The following PBRM1 variants were observed in gnomAD, a reference collection of about 807,000 sequenced individuals.
The protein encoded by PBRM1 is polybromo 1.
A neutral mutation model predicts 194.5 loss-of-function variants in PBRM1; 27 were observed. The ratio of observed to expected loss-of-function variants is 0.14; its 90% CI spans 0.10 to 0.19. The LOEUF (loss-of-function observed/expected upper bound fraction) is 0.19, where lower values mean the gene tolerates loss of function less well. Among genes scored for constraint, PBRM1 ranks in the 10% least tolerant of loss-of-function variants. The pLI is 1.00. For missense variants in PBRM1, 1,466 were observed against 2,077.2 expected (o/e 0.71, Z 5.72); for synonymous variants, 655 against 693.2 (o/e 0.94, Z 0.87).
intron 7 of PBRM1, among the ~76,000 whole-genome samples, chr3:52,647,916 CTT>C (rs35665793): frequency 6.1e-4 from 90 of 148,304 alleles, no homozygotes; most frequent in East Asian, 3.4e-3. Context: ...ACATTAAATA[CTT>C]TTTTTTTTTT....
At chr3:52,644,566 G>C in intron 8 of PBRM1, 138 bp downstream of exon 9, 3 of 386,618 alleles carry the variant, frequency 7.8e-6, no homozygotes, top group Non-Finnish European at 1.4e-5. Flanking sequence ...TGTATTTTTA[G>C]TAGAGATGGG....
At position 52,580,420 on chromosome 3, in the gene PBRM1, G is replaced by A. The variant is rs191056680; in HGVS notation, c.3388-1221C>T. Among the ~76,000 whole-genome samples the A allele has an allele frequency of 4.9e-4, 74 of 152,060 alleles. 1 individual carries two copies. Among genetic ancestry groups the A allele is most frequent in the Admixed American group, 2.7e-3 (41 of 15,250 alleles). Reference sequence around the variant, plus strand: ...GTCGCCCAGGCTGGAGTGCAGTGGCGCGATATTGGCTCACTGCAAGCTCCG... The same window carrying A: ...GTCGCCCAGGCTGGAGTGCAGTGGCACGATATTGGCTCACTGCAAGCTCCG... On this transcript the variant is annotated intron_variant, in intron 20 of 29. Transcript: ENST00000296302.
At chr3:52,684,265 C>T (rs1423595728), upstream of PBRM1, among the ~76,000 whole-genome samples, 1 of 151,218 alleles carries the variant, frequency 6.6e-6, no homozygotes, top group Admixed American at 6.6e-5. Flanking sequence ...GAGTTCAATG[C>T]CAAGTTTTAA....
At position 52,603,752 on chromosome 3, in the gene PBRM1, AT is replaced by A. The variant is rs1468167047; in HGVS notation, c.2568-21del. 2 of 1,588,052 alleles carry A rather than the reference AT, an allele frequency of 1.3e-6. No individual in the cohort carries two copies. The highest frequency in any genetic ancestry group is 1.7e-6 in the Non-Finnish European group (2 of 1,164,492). On this transcript the variant is annotated intron_variant, in intron 16 of 29. Transcript: ENST00000296302. ...TCTGTCCTATAACAGCATCAAGAGT[AT>A]CCATTGACATACAAGCTGTTTCTTT...
At chr3:52,621,357 G>T (rs1322241719) in intron 13 of PBRM1, among the ~76,000 whole-genome samples, 3 of 152,098 alleles carry the variant, frequency 2.0e-5, no homozygotes, top group Non-Finnish European at 4.4e-5. Flanking sequence ...TAGAGATGGG[G>T]TTTCACTGTG....
chr3:52,554,356 A>AACTAGCAATTTGGGAAACTTCATTC (rs2081756161), intron 27 of PBRM1, among the ~76,000 whole-genome samples: 1 of 152,252 alleles, frequency 6.6e-6, no homozygotes, highest in Non-Finnish European at 1.5e-5. Flanking sequence ...TGTTACTCTG[A>AACTAGCAATTTGGGAAACTTCATTC]ACTAGCAATT....
At chr3:52,569,780 GGTTT>G (rs1223587425) in intron 22 of PBRM1, among the ~76,000 whole-genome samples, 2 of 152,042 alleles carry the variant, frequency 1.3e-5, no homozygotes, top group Non-Finnish European at 2.9e-5. Flanking sequence ...TAAGATAATA[GGTTT>G]GTTATTTATT....
chr3:52,621,091 C>T (rs549885615), intron 13 of PBRM1, among the ~76,000 whole-genome samples: 84 of 152,280 alleles, frequency 5.5e-4, no homozygotes, highest in Non-Finnish European at 1.1e-3. Context: ...GCCTTATATC[C>T]ATGACTTCTG....
upstream of PBRM1, among the ~76,000 whole-genome samples, chr3:52,682,821 C>T (rs996611909): frequency 6.6e-6 from 1 of 152,050 alleles, no homozygotes; most frequent in African/African-American, 2.4e-5. Context: ...AATCCCAGCA[C>T]TTTGGAAGGC....
upstream of PBRM1, chr3:52,679,726 T>G (rs747748299): frequency 6.2e-7 from 1 of 1,611,544 alleles, no homozygotes; most frequent in South Asian, 1.1e-5. Flanking sequence ...TCCAACTTCT[T>G]CTATAAGAAA....
At chr3:52,547,859 T>C, downstream of PBRM1, 1 of 464,428 alleles carries the variant, frequency 2.2e-6, no homozygotes, top group Non-Finnish European at 3.7e-6. Context: ...AAAATCTTTG[T>C]GTATTTGATA....
chr3:52,586,571 T>A (rs759389631), exon 20 of PBRM1: 1 of 1,614,138 alleles, frequency 6.2e-7, no homozygotes, highest in Non-Finnish European at 8.5e-7. Context: ...CTGACTGAGC[T>A]GATGGGCATG....
At chr3:52,635,547 C>T (rs1000272206) in intron 10 of PBRM1, among the ~76,000 whole-genome samples, 1 of 151,878 alleles carries the variant, frequency 6.6e-6, no homozygotes, top group Non-Finnish European at 1.5e-5. Flanking sequence ...GCCTGGGTGA[C>T]GGATGAAGAC....
chr3:52,674,991 G>C (rs1018344807), intron 2 of PBRM1, among the ~76,000 whole-genome samples: 37 of 151,908 alleles, frequency 2.4e-4, no homozygotes, highest in Admixed American at 2.4e-3. Flanking sequence ...GGAGGAGGGA[G>C]GGAGGGAAGA....
At chr3:52,592,835 C>T (rs749887059) in intron 17 of PBRM1, among the ~76,000 whole-genome samples, 1 of 152,160 alleles carries the variant, frequency 6.6e-6, no homozygotes, top group Non-Finnish European at 1.5e-5. Context: ...AATCTCAGAG[C>T]TTGTTATTGG....
chr3:52,572,344 C>T (rs1243785866), intron 22 of PBRM1, among the ~76,000 whole-genome samples: 1 of 152,028 alleles, frequency 6.6e-6, no homozygotes, highest in Non-Finnish European at 1.5e-5. Flanking sequence ...GAGGTACTGT[C>T]TGCCACATGT....
intron 1 of PBRM1, 80 bp from the exon 3 acceptor site, chr3:52,678,677 C>T: frequency 1.2e-6 from 1 of 848,566 alleles, no homozygotes; most frequent in Non-Finnish European, 1.9e-6. Flanking sequence ...ATTTTCTACT[C>T]TTCAATAAAA....
chr3:52,643,377 T>G, intron 8 of PBRM1, 34 bp from the exon 10 acceptor site: 2 of 1,422,294 alleles, frequency 1.4e-6, no homozygotes, highest in Non-Finnish European at 2.0e-6. Context: ...CTTAGAAACT[T>G]GGTAGCTGAA....
chr3:52,554,284 C>T (rs1466056022), intron 27 of PBRM1, among the ~76,000 whole-genome samples: 1 of 152,244 alleles, frequency 6.6e-6, no homozygotes, highest in Non-Finnish European at 1.5e-5. Flanking sequence ...ACTCTATACC[C>T]TGTGAGATAA....
Sources: allele counts gnomAD v4.1 joint callset (sites outside exome capture counted in the v4.1 genomes callset), GRCh38; gene constraint gnomAD v4.1.1; transcripts MANE v1.5; gene names NCBI Gene and HGNC (gene_info 2026-07-23, HGNC 2026-07-21).